XYLT1: variants seen among roughly 807,000 people sequenced by gnomAD.
The protein encoded by XYLT1 is beta-D-xylosyltransferase 1.
Under a neutral mutation model 91.3 loss-of-function variants are expected in XYLT1, and 36 were observed. The observed-to-expected ratio is 0.39, with a 90% CI of 0.30 to 0.52. The LOEUF (loss-of-function observed/expected upper bound fraction) is 0.52. XYLT1 is among the 20% of genes least tolerant of loss of function. The probability of loss-of-function intolerance (pLI) is 0.68; values close to 1 mark genes in which losing one functional copy is unlikely to be tolerated. For missense variants in XYLT1, 1,242 were observed against 1,284.5 expected, an observed-to-expected ratio of 0.97 and a Z score of 0.51; for synonymous variants, 588 against 532.0, an observed-to-expected ratio of 1.11 and a Z score of -1.45.
At chr16:17,268,864 G>A (rs933679370) in intron 2 of XYLT1, among the ~76,000 whole-genome samples, 5 of 152,006 alleles carry the variant, frequency 3.3e-5, no homozygotes, top group African/African-American at 1.2e-4. Flanking sequence ...GTATAGACAG[G>A]GTTTCACCAT....
chr16:17,357,781 A>AG (rs1192740287), intron 2 of XYLT1, among the ~76,000 whole-genome samples: 1 of 152,200 alleles, frequency 6.6e-6, no homozygotes, highest in Non-Finnish European at 1.5e-5. Context: ...CACAGGTGGG[A>AG]GGGGCACCAG....
At chr16:17,109,094 G>A in intron 11 of XYLT1, 77 bp from the exon 12 acceptor site, 1 of 1,364,178 alleles carries the variant, frequency 7.3e-7, no homozygotes, top group East Asian at 2.4e-5. Context: ...CCTGTGCCTG[G>A]TGCTGCACTG....
intron 2 of XYLT1, among the ~76,000 whole-genome samples, chr16:17,265,469 CTTTAT>C (rs2033791192): frequency 1.3e-5 from 2 of 152,320 alleles, no homozygotes; most frequent in Non-Finnish European, 1.5e-5. Flanking sequence ...CTTTGACTTA[CTTTAT>C]TTTAATGTAC....
chr16:17,340,185 A>C (rs2035046488), intron 2 of XYLT1, among the ~76,000 whole-genome samples: 1 of 151,988 alleles, frequency 6.6e-6, no homozygotes, highest in Non-Finnish European at 1.5e-5. Flanking sequence ...CATCTGATTC[A>C]ATCTACAGTT....
At chr16:17,302,709 C>A (rs1466838911) in intron 2 of XYLT1, among the ~76,000 whole-genome samples, 1 of 152,142 alleles carries the variant, frequency 6.6e-6, no homozygotes. Context: ...GTTTAGTACA[C>A]CCATGCAGAC....
At chr16:17,362,641 T>TAACA (rs2141866816) in intron 1 of XYLT1, among the ~76,000 whole-genome samples, 1 of 152,234 alleles carries the variant, frequency 6.6e-6, no homozygotes, top group South Asian at 2.1e-4. Context: ...ACAAAGAAAG[T>TAACA]AGAGAGAGGA....
chr16:17,300,171 G>A (rs1052985672), intron 2 of XYLT1, among the ~76,000 whole-genome samples: 1 of 152,170 alleles, frequency 6.6e-6, no homozygotes, highest in African/African-American at 2.4e-5. Context: ...GACCTTGGAT[G>A]GCTCCGTAAG....
intron 1 of XYLT1, among the ~76,000 whole-genome samples, chr16:17,360,929 G>A (rs139050913): frequency 1.3e-5 from 2 of 152,254 alleles, no homozygotes; most frequent in East Asian, 1.9e-4. Context: ...CCATGGAACC[G>A]CCTACAACAA....
At chr16:17,219,826 C>A (rs143951832) in intron 3 of XYLT1, among the ~76,000 whole-genome samples, 1 of 151,930 alleles carries the variant, frequency 6.6e-6, no homozygotes, top group Admixed American at 6.6e-5. Flanking sequence ...GTCAGGAGTT[C>A]GAGACCAGCC....
At chr16:17,240,163 G>T (rs149917020) in intron 3 of XYLT1, among the ~76,000 whole-genome samples, 1 of 152,340 alleles carries the variant, frequency 6.6e-6, no homozygotes, top group African/African-American at 2.4e-5. Context: ...TGCATGAATT[G>T]CTGGGAGAGG....
intron 1 of XYLT1, among the ~76,000 whole-genome samples, chr16:17,437,444 C>G (rs533573093): frequency 2.0e-5 from 3 of 152,188 alleles, no homozygotes; most frequent in Non-Finnish European, 4.4e-5. Context: ...GACAAGCAAT[C>G]TTTATCTGTA....
At chr16:17,313,585 G>A (rs1199555285) in intron 2 of XYLT1, among the ~76,000 whole-genome samples, 1 of 152,138 alleles carries the variant, frequency 6.6e-6, no homozygotes, top group Non-Finnish European at 1.5e-5. Context: ...GGGACTGTGG[G>A]TGAATTCTTT....
At chr16:17,350,240 G>C (rs139250639) in intron 2 of XYLT1, among the ~76,000 whole-genome samples, 83 of 152,314 alleles carry the variant, frequency 5.4e-4, no homozygotes, top group Non-Finnish European at 9.7e-4. Context: ...CTTCGGTGAA[G>C]TCCACTCCCA....
intron 3 of XYLT1, among the ~76,000 whole-genome samples, chr16:17,242,422 G>C (rs968665627): frequency 4.6e-5 from 7 of 152,106 alleles, no homozygotes; most frequent in Admixed American, 4.6e-4. Context: ...TTGTGCTACC[G>C]TCTTGCTCAA....
At chr16:17,318,297 T>A (rs1469725671) in intron 2 of XYLT1, among the ~76,000 whole-genome samples, 1 of 152,214 alleles carries the variant, frequency 6.6e-6, no homozygotes, top group Non-Finnish European at 1.5e-5. Flanking sequence ...CACAGCCTCA[T>A]CACAGGACAC....
intron 2 of XYLT1, among the ~76,000 whole-genome samples, chr16:17,294,974 C>G (rs764819442): frequency 6.6e-6 from 1 of 152,112 alleles, no homozygotes; most frequent in Non-Finnish European, 1.5e-5. Context: ...CACAGGGACA[C>G]AGAAAGATGA....
At chr16:17,370,434 G>A (rs1028067068) in intron 1 of XYLT1, among the ~76,000 whole-genome samples, 1 of 152,188 alleles carries the variant, frequency 6.6e-6, no homozygotes, top group African/African-American at 2.4e-5. Context: ...ATTCAGGAGA[G>A]TAAGTGTTAC....
In XYLT1 at chr16:17,106,964, G is replaced by A. The variant is rs953793418; in HGVS notation, c.*1731C>T. ...GGGTAGACGCAGAGAAAGAGAAACC[G>A]AGAGAGAGAGAGACACCAGGGGGTG... is the stretch of plus-strand genomic sequence containing the variant. On this transcript the variant is annotated 3_prime_UTR_variant, in exon 12 of 12. Coordinates refer to ENST00000261381, the MANE Select transcript of XYLT1 (RefSeq NM_022166.4). 6 of 151,602 alleles carry A rather than the reference G, an allele frequency of 4.0e-5. No individual in the cohort carries two copies. The highest frequency in any genetic ancestry group is 4.4e-5 in the Non-Finnish European group (3 of 67,908). 9.4% of individuals were successfully genotyped at this position (151,602 alleles called of 1,614,324 possible).
At chr16:17,314,719 T>C (rs552167720) in intron 2 of XYLT1, among the ~76,000 whole-genome samples, 2 of 152,262 alleles carry the variant, frequency 1.3e-5, no homozygotes, top group South Asian at 2.1e-4. Flanking sequence ...GAGGAGAAAC[T>C]TGACAAACCA....
Sources: gnomAD v4.1 joint callset for allele counts (sites outside exome capture counted in the v4.1 genomes callset) on GRCh38, gnomAD v4.1.1 for gene constraint, MANE v1.5 for transcripts, NCBI Gene and HGNC (gene_info 2026-07-23, HGNC 2026-07-21) for gene names.